Variants in FAM178B observed in about 807,000 individuals in gnomAD.
FAM178B encodes protein FAM178B.
In FAM178B, 82 loss-of-function variants were observed where a neutral mutation model predicts 91.7. The ratio of observed to expected loss-of-function variants is 0.89; its 90% CI spans 0.75 to 1.07. The LOEUF (loss-of-function observed/expected upper bound fraction) is 1.07. Ranked by LOEUF, FAM178B falls within the 50% of genes least tolerant of loss-of-function variation. FAM178B has a pLI of 0.00. For missense variants in FAM178B, 769 were observed against 846.7 expected, an observed-to-expected ratio of 0.91 and a Z score of 1.14; for synonymous variants, 368 against 359.4, an observed-to-expected ratio of 1.02 and a Z score of -0.27.
chr2:96,986,111 C>T (rs1023560463), intron 1 of FAM178B, 130 bp downstream of exon 1: 1 of 1,465,120 alleles, frequency 6.8e-7, no homozygotes, highest in Non-Finnish European at 9.0e-7. Flanking sequence ...CTGAAAAGCG[C>T]CAGAGTAGCC....
At position 96,979,211 on chromosome 2, in the gene FAM178B, G is replaced by A. The variant is rs1356816831; in HGVS notation, c.74-6605C>T. On this transcript the variant is annotated intron_variant, in intron 1 of 16. Transcript: ENST00000490605. Reference sequence around the variant, plus strand: ...AGGATGGTCTCCATCTCCTGACCTCGTGATCTGCCTGCCTCAGCCTCCCAA... The same window carrying A: ...AGGATGGTCTCCATCTCCTGACCTCATGATCTGCCTGCCTCAGCCTCCCAA... 3.3e-5 allele frequency among the ~76,000 whole-genome samples: 5 copies of A among 150,352 alleles called. 1 individual carries two copies. The highest frequency in any genetic ancestry group is 7.4e-5 in the African/African-American group (3 of 40,756).
At chr2:96,903,321 G>C (rs900285683) in intron 12 of FAM178B, among the ~76,000 whole-genome samples, 1 of 152,244 alleles carries the variant, frequency 6.6e-6, no homozygotes, top group Non-Finnish European at 1.5e-5. Flanking sequence ...TTACAGGCGT[G>C]AGCCACCGCG....
intron 8 of FAM178B, among the ~76,000 whole-genome samples, chr2:96,931,598 G>A (rs2081540279): frequency 6.6e-6 from 1 of 152,150 alleles, no homozygotes; most frequent in African/African-American, 2.4e-5. Flanking sequence ...AAAGCAGGGA[G>A]GGCTGCTGCG....
intron 8 of FAM178B, among the ~76,000 whole-genome samples, chr2:96,944,716 G>A (rs1000456213): frequency 2.0e-5 from 3 of 152,152 alleles, no homozygotes; most frequent in South Asian, 2.1e-4. Context: ...GTCAAAATAC[G>A]ACCTAACTAA....
At chr2:96,883,809 A>AG (rs1159401993) in intron 14 of FAM178B, among the ~76,000 whole-genome samples, 14 of 152,226 alleles carry the variant, frequency 9.2e-5, no homozygotes, top group East Asian at 1.9e-4. Flanking sequence ...ACCAGGAGCC[A>AG]GGGGGGGTCC....
intron 6 of FAM178B, among the ~76,000 whole-genome samples, chr2:96,958,922 T>C (rs780631838): frequency 6.6e-6 from 1 of 151,642 alleles, no homozygotes. Context: ...CTGAGGTGGC[T>C]GGACACGGTG....
chr2:96,930,475 C>G (rs950581181), intron 8 of FAM178B, among the ~76,000 whole-genome samples: 4 of 152,228 alleles, frequency 2.6e-5, no homozygotes, highest in African/African-American at 9.6e-5. Context: ...TTCCACTCTG[C>G]TCTCATTCCT....
chr2:96,932,156 C>T (rs1251678164), intron 8 of FAM178B, among the ~76,000 whole-genome samples: 3 of 152,116 alleles, frequency 2.0e-5, no homozygotes, highest in African/African-American at 7.2e-5. Context: ...GAGGTTGTGC[C>T]CGCCTCCCCT....
chr2:96,888,019 CAAA>C (rs2080572130), intron 14 of FAM178B, among the ~76,000 whole-genome samples: 1 of 152,230 alleles, frequency 6.6e-6, no homozygotes, highest in South Asian at 2.1e-4. Flanking sequence ...CGTACACTTG[CAAA>C]GAAACCAGAA....
At chr2:96,935,196 G>GA (rs1460882671) in intron 8 of FAM178B, among the ~76,000 whole-genome samples, 2 of 152,114 alleles carry the variant, frequency 1.3e-5, no homozygotes, top group East Asian at 1.9e-4. Flanking sequence ...AAAAACAAAA[G>GA]AAAAAAACCC....
At chr2:96,974,459 C>T (rs970662670) in intron 1 of FAM178B, among the ~76,000 whole-genome samples, 1 of 147,910 alleles carries the variant, frequency 6.8e-6, no homozygotes, top group Admixed American at 6.8e-5. Context: ...ACACAAAAGG[C>T]ATTAATGGAA....
At position 96,986,409 on chromosome 2, in the gene FAM178B, G is replaced by T. The variant is rs925518212; in HGVS notation, c.-96C>A. On this transcript the variant is annotated 5_prime_UTR_variant, in exon 1 of 17. Coordinates refer to ENST00000490605, the MANE Select transcript of FAM178B (RefSeq NM_001122646.3). ...CAGCTAGCCGGGAAAGGAAGCAGGA[G>T]CAGGCTCCCCAGGCGGCGCAGTGGG... 3.5e-6 allele frequency: 5 copies of T among 1,437,994 alleles called. No individual in the cohort carries two copies. The highest frequency in any genetic ancestry group is 2.6e-5 in the East Asian group (1 of 39,128). 89.1% of individuals were successfully genotyped at this position (1,437,994 alleles called of 1,614,324 possible).
At chr2:96,896,954 C>T (rs2080836289) in intron 13 of FAM178B, among the ~76,000 whole-genome samples, 1 of 152,206 alleles carries the variant, frequency 6.6e-6, no homozygotes, top group African/African-American at 2.4e-5. Context: ...GCAACCTCCA[C>T]CTCCTGGGCT....
At chr2:96,915,272 G>A (rs981537911) in intron 12 of FAM178B, among the ~76,000 whole-genome samples, 4 of 151,606 alleles carry the variant, frequency 2.6e-5, no homozygotes, top group Admixed American at 1.3e-4. Flanking sequence ...ACCATGCCCA[G>A]CTAATTTTTT....
chr2:96,933,789 G>A (rs1014398872), intron 8 of FAM178B, among the ~76,000 whole-genome samples: 5 of 152,204 alleles, frequency 3.3e-5, no homozygotes, highest in Non-Finnish European at 7.3e-5. Flanking sequence ...GAGGAGGGGA[G>A]GTCCCCATCA....
chr2:96,978,400 G>A (rs1198135396), intron 1 of FAM178B, among the ~76,000 whole-genome samples: 1 of 152,076 alleles, frequency 6.6e-6, no homozygotes, highest in East Asian at 1.9e-4. Context: ...CCTGAATAGT[G>A]AACATTATAC....
At chr2:96,905,850 ATATATATATATTTTTTTTTTTTTT>A (rs2081037829) in intron 12 of FAM178B, among the ~76,000 whole-genome samples, 3 of 25,614 alleles carry the variant, frequency 1.2e-4, no homozygotes, top group Admixed American at 4.5e-4. Context: ...ATATATATAT[ATATATATATATTTTTTTTTTTTTT>A]TTTTTTTTTT....
chr2:96,902,980 C>T (rs971211676), intron 12 of FAM178B, among the ~76,000 whole-genome samples: 1 of 152,218 alleles, frequency 6.6e-6, no homozygotes, highest in Admixed American at 6.5e-5. Flanking sequence ...GTTTTTTATC[C>T]CCTCTGCCGA....
intron 9 of FAM178B, among the ~76,000 whole-genome samples, chr2:96,928,674 C>T (rs776805762): frequency 1.5e-4 from 23 of 152,278 alleles, no homozygotes; most frequent in Non-Finnish European, 2.6e-4. Flanking sequence ...GCAGCGGGGG[C>T]TGAGTCAGGA....
Sources: allele counts gnomAD v4.1 joint callset (sites outside exome capture counted in the v4.1 genomes callset), GRCh38; gene constraint gnomAD v4.1.1; transcripts MANE v1.5; gene names NCBI Gene and HGNC (gene_info 2026-07-23, HGNC 2026-07-21).